ITPK1: variants seen among roughly 807,000 people sequenced by gnomAD.
ITPK1 encodes inositol-tetrakisphosphate 1-kinase, also known as inositol 1,3,4-trisphosphate 5/6-kinase.
A neutral mutation model predicts 45.3 loss-of-function variants in ITPK1; 21 were observed. The observed-to-expected ratio is 0.46, with a 90% CI of 0.33 to 0.67. The LOEUF (loss-of-function observed/expected upper bound fraction) is 0.67. Among genes scored for constraint, ITPK1 ranks in the 30% least tolerant of loss-of-function variants. ITPK1 has a pLI of 0.02. For synonymous variants in ITPK1, 258 were observed against 253.6 expected, an observed-to-expected ratio of 1.02 and a Z score of -0.16; for missense variants, 474 against 573.5, an observed-to-expected ratio of 0.83 and a Z score of 1.77.
chr14:92,995,223 G>A (rs879600605), intron 4 of ITPK1, among the ~76,000 whole-genome samples: 2 of 152,128 alleles, frequency 1.3e-5, no homozygotes, highest in East Asian at 1.9e-4. Flanking sequence ...TGTGAGAGCC[G>A]GGGGCAGCAG....
At chr14:93,004,146 C>A (rs560617251) in intron 4 of ITPK1, among the ~76,000 whole-genome samples, 3 of 152,208 alleles carry the variant, frequency 2.0e-5, no homozygotes, top group Non-Finnish European at 4.4e-5. Flanking sequence ...CAGTCGCCTG[C>A]AAGCCAGCGA....
chr14:93,079,002 C>T (rs550379773), intron 2 of ITPK1, among the ~76,000 whole-genome samples: 1 of 152,196 alleles, frequency 6.6e-6, no homozygotes, highest in South Asian at 2.1e-4. Flanking sequence ...GCCAGGGCCT[C>T]GGTTTCCCTC....
intron 2 of ITPK1, among the ~76,000 whole-genome samples, chr14:93,091,277 T>C (rs908417471): frequency 2.0e-5 from 3 of 152,222 alleles, no homozygotes; most frequent in Non-Finnish European, 4.4e-5. Context: ...CAGTACAGAA[T>C]ACTCAGGCCC....
At chr14:93,088,346 T>TTTTTG (rs1891735195) in intron 2 of ITPK1, among the ~76,000 whole-genome samples, 1 of 148,736 alleles carries the variant, frequency 6.7e-6, no homozygotes, top group African/African-American at 2.5e-5. Context: ...GTTTTGTTTT[T>TTTTTG]TTTTTTTTTT....
intron 2 of ITPK1, among the ~76,000 whole-genome samples, chr14:93,100,901 G>A (rs1211076924): frequency 6.6e-6 from 1 of 152,160 alleles, no homozygotes; most frequent in African/African-American, 2.4e-5. Flanking sequence ...CACTGTCCAG[G>A]GGGTCCCAGC....
At chr14:93,069,847 G>A (rs531844857) in intron 3 of ITPK1, 1 of 152,302 alleles carries the variant, frequency 6.6e-6, no homozygotes, top group Admixed American at 6.5e-5. Context: ...CATATACAAA[G>A]GTCACCAGCA....
At chr14:92,995,206 A>T (rs1886990974) in intron 4 of ITPK1, among the ~76,000 whole-genome samples, 1 of 152,112 alleles carries the variant, frequency 6.6e-6, no homozygotes, top group African/African-American at 2.4e-5. Flanking sequence ...TGTTTGTGAT[A>T]CTTGGTTGTG....
chr14:93,051,328 G>A (rs1464264531), intron 3 of ITPK1, among the ~76,000 whole-genome samples: 2 of 152,196 alleles, frequency 1.3e-5, no homozygotes, highest in Non-Finnish European at 2.9e-5. Flanking sequence ...CAGATCAAGA[G>A]AGAGTGGCTG....
intron 2 of ITPK1, among the ~76,000 whole-genome samples, chr14:93,104,532 G>A (rs1892447774): frequency 6.6e-6 from 1 of 152,110 alleles, no homozygotes; most frequent in Non-Finnish European, 1.5e-5. Context: ...CTGTGTTGAA[G>A]ACAAAGGCAA....
intron 3 of ITPK1, among the ~76,000 whole-genome samples, chr14:93,056,818 G>T (rs1195147646): frequency 6.6e-6 from 1 of 152,162 alleles, no homozygotes; most frequent in Non-Finnish European, 1.5e-5. Flanking sequence ...AATTTGTGGG[G>T]AATTTATGAG....
intron 2 of ITPK1, among the ~76,000 whole-genome samples, chr14:93,105,804 AGCGTTTCTCCT>A (rs1432065849): frequency 6.6e-6 from 1 of 151,478 alleles, no homozygotes; most frequent in Non-Finnish European, 1.5e-5. Context: ...CCCGGGTTCA[AGCGTTTCTCCT>A]GCCTCAGCCT....
At chr14:93,059,786 G>A (rs1188759873) in intron 3 of ITPK1, among the ~76,000 whole-genome samples, 1 of 92,882 alleles carries the variant, frequency 1.1e-5, no homozygotes, top group African/African-American at 4.4e-5. Flanking sequence ...TGCTGGTCAC[G>A]AGGCAGGGGT....
chr14:93,107,927 GGCC>G, intron 2 of ITPK1, among the ~76,000 whole-genome samples: 1 of 152,332 alleles, frequency 6.6e-6, no homozygotes, highest in South Asian at 2.1e-4. Context: ...CCACAGGTAT[GGCC>G]TGGCCACTCT....
At position 92,950,090 on chromosome 14, in the gene ITPK1, C is replaced by T. The variant is rs148271256; in HGVS notation, c.738+1856G>A. Among the ~76,000 whole-genome samples the T allele has an allele frequency of 8.9e-3, 1,357 of 152,354 alleles. 15 individuals are homozygous for T. The highest frequency in any genetic ancestry group is 0.031 in the African/African-American group (1,274 of 41,588). On this transcript the variant is annotated intron_variant, in intron 9 of 10. Coordinates refer to ENST00000267615, the MANE Select transcript of ITPK1 (RefSeq NM_014216.6). The stretch of plus-strand genomic sequence containing the variant: ...GCGACTCGCCTTAGCTTGGGCCGGA[C>T]CCCAGGCAGTCCCGTCAGAGTCTGT...
intron 9 of ITPK1, among the ~76,000 whole-genome samples, chr14:92,948,000 T>C (rs1193626853): frequency 1.3e-5 from 2 of 152,170 alleles, no homozygotes; most frequent in Non-Finnish European, 2.9e-5. Context: ...GACGGAATAT[T>C]GTACAGCCAT....
intron 5 of ITPK1, among the ~76,000 whole-genome samples, chr14:92,970,356 C>T (rs945531216): frequency 1.3e-5 from 2 of 152,212 alleles, no homozygotes; most frequent in East Asian, 1.9e-4. Flanking sequence ...GCCTGGCACA[C>T]GACAGGCACC....
chr14:93,067,963 T>C (rs571259942), intron 3 of ITPK1: 1 of 146,508 alleles, frequency 6.8e-6, no homozygotes, highest in East Asian at 2.0e-4. Flanking sequence ...TAAGCTGGAA[T>C]CCACAATTGT....
chr14:93,110,446 C>T (rs1446899418), intron 2 of ITPK1, among the ~76,000 whole-genome samples: 3 of 152,168 alleles, frequency 2.0e-5, no homozygotes, highest in Non-Finnish European at 2.9e-5. Flanking sequence ...GAAAGAATTC[C>T]AGACCAGAAT....
intron 3 of ITPK1, among the ~76,000 whole-genome samples, chr14:93,045,994 C>T (rs1003518991): frequency 1.1e-4 from 17 of 152,208 alleles, no homozygotes; most frequent in African/African-American, 2.9e-4. Context: ...TCTGGCGGGA[C>T]GGGTCCACCA....
Sources: gnomAD v4.1 joint callset for allele counts (sites outside exome capture counted in the v4.1 genomes callset) on GRCh38, gnomAD v4.1.1 for gene constraint, MANE v1.5 for transcripts, NCBI Gene and HGNC (gene_info 2026-07-23, HGNC 2026-07-21) for gene names.